The following NLRX1 variants were observed in gnomAD, a reference collection of about 807,000 sequenced individuals.
The protein encoded by NLRX1 is NLR family member X1.
A neutral mutation model predicts 74.2 loss-of-function variants in NLRX1; 67 were observed. The ratio of observed to expected loss-of-function variants is 0.90; its 90% CI spans 0.74 to 1.11. NLRX1 has a LOEUF of 1.11. Ranked by LOEUF, NLRX1 falls within the 50% of genes least tolerant of loss-of-function variation. The pLI, the probability that NLRX1 is intolerant of heterozygous loss-of-function variation, is 0.00. For synonymous variants in NLRX1, 506 were observed against 559.1 expected, an observed-to-expected ratio of 0.91 and a Z score of 1.34; for missense variants, 1,191 against 1,305.4, an observed-to-expected ratio of 0.91 and a Z score of 1.35.
chr11:119,172,884 CCT>C lies in NLRX1; in HGVS notation c.141-13_141-12del. ...CCAAGTTACAAGTCCCAGCTCATCC[CCT>C]CTCCTTGTTCCCAGGGCCTTTATAC... On this transcript the variant is annotated splice_polypyrimidine_tract_variant and intron_variant, in intron 3 of 9. Coordinates refer to ENST00000409109, the MANE Select transcript of NLRX1 (RefSeq NM_001282144.2). 6.2e-7 allele frequency: 1 copy of C among 1,602,014 alleles called. No homozygotes were observed. Among genetic ancestry groups the C allele is most frequent in the Non-Finnish European group, 8.6e-7 (1 of 1,169,156 alleles).
chr11:119,175,081 C>G lies in NLRX1; in HGVS notation c.1478C>G (p.Thr493Ser), dbSNP rs750793008. 2.5e-6 allele frequency: 4 copies of G among 1,614,068 alleles called. No individual in the cohort carries two copies. Among genetic ancestry groups the G allele is most frequent in the Middle Eastern group, 1.6e-4 (1 of 6,084 alleles). Residue 493 changes from threonine to serine, a missense_variant, in exon 6 of 10, where the codon ACC becomes AGC. By Grantham distance (58) the Thr-to-Ser change is moderately conservative. Coordinates refer to ENST00000409109, the MANE Select transcript of NLRX1 (RefSeq NM_001282144.2). ...GGGCGTGCAGGCACCTTCGTGTTCA[C>G]CGTGCCCGCCATGCAGGAATACCTG... Reference protein sequence around the residue: ...EPGRAGTFVFTVPAMQEYLAA... With the variant: ...EPGRAGTFVFSVPAMQEYLAA...
In NLRX1 at chr11:119,174,931, A is replaced by G; in HGVS notation, c.1328A>G (p.Tyr443Cys). Residue 443 changes from tyrosine to cysteine, a missense_variant, in exon 6 of 10, where the codon TAC becomes TGC. Tyr to Cys is a radical substitution (Grantham distance 194, BLOSUM62 -2). Transcript: ENST00000409109. ...AYEGVSSRKT[Y>C]FSEEDVCGCL... ...GAGGGGGTGTCCTCCCGCAAGACCTACTTCTCTGAAGAGGATGTCTGTGGC... is the reference window on the plus strand; with the variant it reads ...GAGGGGGTGTCCTCCCGCAAGACCTGCTTCTCTGAAGAGGATGTCTGTGGC... 2 of 1,613,920 alleles carry G rather than the reference A, an allele frequency of 1.2e-6. No homozygotes were observed. Among genetic ancestry groups the G allele is most frequent in the Non-Finnish European group, 1.7e-6 (2 of 1,180,012 alleles).
At chr11:119,172,536 G>T in intron 3 of NLRX1, 111 bp downstream of exon 3, 1 of 809,930 alleles carries the variant, frequency 1.2e-6, no homozygotes, top group South Asian at 1.5e-5. Context: ...GGAGGGGCTT[G>T]GTCCTTTGGG....
Position 119,173,659 on chromosome 11 carries a change from C to G in NLRX1, c.410C>G (p.Pro137Arg). The change falls in exon 5 of 10, where the codon CCC becomes CGC. Residue 137 changes from proline to arginine, a missense_variant. By Grantham distance (103) the Pro-to-Arg change is moderately radical. Coordinates refer to ENST00000409109, the MANE Select transcript of NLRX1 (RefSeq NM_001282144.2). This position sits in a 1 kb window ranked among gnomAD's most constrained non-coding sequence, Gnocchi z 4.0. ...PAELALEHQP[P>R]QAGLPPLALS... ...GAGCTGGCCCTGGAGCATCAGCCAC[C>G]CCAGGCCGGGCTCCCCCCACTGGCC... is the stretch of plus-strand genomic sequence containing the variant. The G allele has an allele frequency of 1.2e-6, 2 of 1,614,108 alleles. No homozygotes were observed. The highest frequency in any genetic ancestry group is 1.7e-6 in the Non-Finnish European group (2 of 1,180,044).
In NLRX1 at chr11:119,180,206, G is replaced by C; in HGVS notation, c.2185G>C (p.Glu729Gln). Residue 729 changes from glutamate to glutamine, a missense_variant, in exon 7 of 10, where the codon GAG becomes CAG. Physicochemically the swap from Glu to Gln is conservative, Grantham distance 29. Transcript: ENST00000409109. ...GGGCAGCGGAAGGCATGCCCTGGAT[G>C]AGGTGAACTTGGCCTCCTGCCAGCT... is the stretch of plus-strand genomic sequence containing the variant. Reference protein sequence around the residue: ...VLGSGRHALDEVNLASCQLDP... With the variant: ...VLGSGRHALDQVNLASCQLDP... 1 of 1,612,014 alleles carries C rather than the reference G, an allele frequency of 6.2e-7. No individual in the cohort carries two copies. The highest frequency in any genetic ancestry group is 8.5e-7 in the Non-Finnish European group (1 of 1,178,626).
rs1462387600 is a variant in NLRX1, at chr11:119,179,583, A to T, written c.1672-110A>T. On this transcript the variant is annotated intron_variant, in intron 6 of 9. Transcript: ENST00000409109. ...GATCAGACAAATTATGCTAAGTTCA[A>T]GGGGAGATCACAGGGCTGGAGCAGT... 4.4e-6 allele frequency: 4 copies of T among 903,128 alleles called. No individual in the cohort carries two copies. In the Admixed American group the frequency reaches 7.1e-5, roughly 16 times the overall value. The allele number at this position is 903,128 out of a possible 1,614,324, so 55.9% of individuals were successfully genotyped here. A position where few individuals can be genotyped will look rare whatever the true frequency, so the allele number is the denominator to read the frequency against.
intron 7 of NLRX1, 91 bp from the exon 8 acceptor site, chr11:119,181,080 C>G (rs1024755295): frequency 1.1e-6 from 1 of 876,296 alleles, no homozygotes; most frequent in Non-Finnish European, 1.9e-6. Context: ...CAGAGGCAGG[C>G]TGATGAAAAA....
chr11:119,180,381 C>A, intron 7 of NLRX1, 93 bp downstream of exon 7: 1 of 1,014,650 alleles, frequency 9.9e-7, no homozygotes, highest in Non-Finnish European at 1.4e-6. Context: ...CCAGAGGTAC[C>A]GATGAGTGAC....
rs769595923 is a variant in NLRX1, at chr11:119,173,022, G to A, written c.229+33G>A. On this transcript the variant is annotated intron_variant, in intron 4 of 9. Coordinates refer to ENST00000409109, the MANE Select transcript of NLRX1 (RefSeq NM_001282144.2). The surrounding 1 kb of genome is among the most constrained non-coding windows in gnomAD (Gnocchi z 4.0). ...GACTGGCTGGGACCCTGGTCAGGGG[G>A]TGTGGTGGGCAGACGGGGCTGGAAG... 2 of 1,565,602 alleles carry A rather than the reference G, an allele frequency of 1.3e-6. No homozygotes were observed. Among genetic ancestry groups the A allele is most frequent in the South Asian group, 1.1e-5 (1 of 89,964 alleles).
In NLRX1 at chr11:119,179,861, C is replaced by T. The variant is rs753701374; in HGVS notation, c.1840C>T (p.Pro614Ser). 2.0e-5 allele frequency: 33 copies of T among 1,613,890 alleles called. No individual in the cohort carries two copies. The African/African-American group carries it at 3.3e-4, about 16-fold the overall frequency. ...VEGPRRHPDE[P>S]PEDEVFELFP... is the part of the protein sequence containing the mutation. ...GGGCCCCCGGCGCCACCCAGATGAG[C>T]CCCCTGAGGATGAAGTCTTCGAGCT... The change falls in exon 7 of 10, where the codon CCC becomes TCC. Residue 614 changes from proline (P) to serine (S), a missense_variant. By Grantham distance (74) the Pro-to-Ser change is moderately conservative (BLOSUM62 -1). Transcript: ENST00000409109.
chr11:119,179,611 T>G, intron 6 of NLRX1, 82 bp from the exon 7 acceptor site: 1 of 1,115,054 alleles, frequency 9.0e-7, no homozygotes, highest in Non-Finnish European at 1.3e-6. Flanking sequence ...GGAGCAGTCA[T>G]GGGAGTGTAC....
intron 1 of NLRX1, among the ~76,000 whole-genome samples, chr11:119,170,133 G>A (rs1323431963): frequency 2.0e-5 from 3 of 151,922 alleles, no homozygotes; most frequent in Admixed American, 6.6e-5. Context: ...TGAGCCTGGG[G>A]TATAAGGCAC....
intron 8 of NLRX1, among the ~76,000 whole-genome samples, chr11:119,181,513 G>GA (rs1413377821): frequency 6.6e-6 from 1 of 152,020 alleles, no homozygotes; most frequent in Admixed American, 6.6e-5. Flanking sequence ...AGAGAGGGTG[G>GA]AATAATACCT....
Position 119,182,106 on chromosome 11 carries a change from C to A in NLRX1, c.2367C>A (p.Asn789Lys). 1 of 1,614,130 alleles carries A rather than the reference C, an allele frequency of 6.2e-7. No individual in the cohort carries two copies. The highest frequency in any genetic ancestry group is 8.5e-7 in the Non-Finnish European group (1 of 1,179,998). ...CACGTGGCTGTAGGCTGTCCAACAA[C>A]CCGCTGACGGCGGCAGGTGTTGCCG... ...CQITTLRLSNNPLTAAGVAVL... is the reference protein window; with the variant it reads ...CQITTLRLSNKPLTAAGVAVL... The change falls in exon 9 of 10, where the codon AAC becomes AAA. Residue 789 changes from asparagine to lysine, a missense_variant. Transcript: ENST00000409109.
At chr11:119,175,403 CAAAGGTA>C in intron 6 of NLRX1, 129 bp downstream of exon 6, 1 of 769,476 alleles carries the variant, frequency 1.3e-6, no homozygotes, top group Non-Finnish European at 2.1e-6. Context: ...CTGCTTCCTG[CAAAGGTA>C]TGAATCTTCT....
Position 119,181,208 on chromosome 11 carries a change from G to C in NLRX1, c.2305G>C (p.Asp769His). 6.2e-7 allele frequency: 1 copy of C among 1,613,856 alleles called. No individual in the cohort carries two copies. The highest frequency in any genetic ancestry group is 8.5e-7 in the Non-Finnish European group (1 of 1,179,966). ...LNSLGPEACK[D>H]LRDLLLHDQC... ...CAGCCTGGGCCCTGAGGCCTGCAAG[G>C]ACCTCCGAGACCTGTTGCTGCATGA... Residue 769 changes from aspartate (D) to histidine (H), a missense_variant, in exon 8 of 10, where the codon GAC (aspartate) becomes CAC (histidine). Transcript: ENST00000409109.
At chr11:119,181,923 G>A (rs1459130885) in intron 8 of NLRX1, among the ~76,000 whole-genome samples, 171 bp from the exon 9 acceptor site, 1 of 152,132 alleles carries the variant, frequency 6.6e-6, no homozygotes, top group African/African-American at 2.4e-5. Context: ...CCTTTCTCCT[G>A]GGCCTGCATT....
In NLRX1 at chr11:119,173,122, C is replaced by A; in HGVS notation, c.229+133C>A. On this transcript the variant is annotated intron_variant, in intron 4 of 9. Transcript: ENST00000409109. The surrounding 1 kb of genome is among the most constrained non-coding windows in gnomAD (Gnocchi z 4.0). ...GTGGTCCCTCCTCCTCTCTCTCTCT[C>A]CCTCCCATCCGTCTATGTATCCCTT... 2.8e-6 allele frequency: 2 copies of A among 701,874 alleles called. No individual in the cohort carries two copies. The highest frequency in any genetic ancestry group is 2.5e-6 in the Non-Finnish European group (1 of 396,680). 43.5% of individuals were successfully genotyped at this position (701,874 alleles called of 1,614,324 possible). A position where few individuals can be genotyped will look rare whatever the true frequency, so the allele number is the denominator to read the frequency against.
At chr11:119,169,650 C>T (rs1271546625) in intron 1 of NLRX1, among the ~76,000 whole-genome samples, 1 of 152,212 alleles carries the variant, frequency 6.6e-6, no homozygotes, top group African/African-American at 2.4e-5. Context: ...GTTCAGAGGC[C>T]TCAGAAAAGA....
Sources: allele counts gnomAD v4.1 joint callset (sites outside exome capture counted in the v4.1 genomes callset), GRCh38; gene constraint gnomAD v4.1.1; non-coding constraint Gnocchi (gnomAD v3.1); transcripts MANE v1.5; gene names NCBI Gene and HGNC (gene_info 2026-07-23, HGNC 2026-07-21).